Variants in KCNT2 observed in about 807,000 individuals in gnomAD.
The protein encoded by KCNT2 is potassium channel subfamily T member 2.
A neutral mutation model predicts 153.8 loss-of-function variants in KCNT2; 67 were observed. The observed-to-expected ratio is 0.44, with a 90% confidence interval of 0.36 to 0.53. The LOEUF is 0.53. Ranked by LOEUF, KCNT2 falls within the 20% of genes least tolerant of loss-of-function variation. The probability of loss-of-function intolerance (pLI) is 0.00; values close to 1 mark genes in which losing one functional copy is unlikely to be tolerated. For missense variants in KCNT2, 975 were observed against 1,354.8 expected (o/e 0.72, Z 4.40); for synonymous variants, 500 against 458.8 (o/e 1.09, Z -1.15).
chr1:196,582,722 C>A (rs1662212574), intron 1 of KCNT2, among the ~76,000 whole-genome samples: 1 of 152,034 alleles, frequency 6.6e-6, no homozygotes, highest in Non-Finnish European at 1.5e-5. Context: ...TCTCTCACCA[C>A]CAATTCATTT....
At chr1:196,480,522 C>T (rs772309369) in intron 4 of KCNT2, among the ~76,000 whole-genome samples, 9 of 151,980 alleles carry the variant, frequency 5.9e-5, no homozygotes, top group African/African-American at 9.7e-5. Context: ...ATTAGATGAT[C>T]TCTAGAGCAT....
At chr1:196,502,939 C>T (rs1308840675) in intron 1 of KCNT2, among the ~76,000 whole-genome samples, 1 of 151,898 alleles carries the variant, frequency 6.6e-6, no homozygotes, top group East Asian at 1.9e-4. Context: ...AAGAGATTCC[C>T]CCTCTTCATG....
rs77413693 is a variant in KCNT2 at position 196,325,199 on chromosome 1, G to C, written c.2276+1518C>G. Among the ~76,000 whole-genome samples the C allele has an allele frequency of 1.6e-3, 245 of 152,198 alleles. 1 individual carries two copies. The highest frequency in any genetic ancestry group is 5.2e-3 in the African/African-American group (218 of 41,544). On this transcript the variant is annotated intron_variant, in intron 19 of 27. Transcript: ENST00000294725. ...CTTTATCTTGAAATTATGTGAAGAG[G>C]AGGAAAGTACAGTTTTGTCCTTAGT...
intron 1 of KCNT2, among the ~76,000 whole-genome samples, chr1:196,546,448 A>G (rs1231738830): frequency 6.6e-6 from 1 of 152,014 alleles, no homozygotes; most frequent in Non-Finnish European, 1.5e-5. Context: ...CAGCAATTTG[A>G]CATTTATATT....
intron 12 of KCNT2, 128 bp downstream of exon 12, chr1:196,422,922 T>A (rs1220313992): frequency 3.8e-6 from 2 of 531,030 alleles, no homozygotes; most frequent in African/African-American, 3.9e-5. Flanking sequence ...CTCAGTAATA[T>A]TTGTTTCCTT....
intron 1 of KCNT2, among the ~76,000 whole-genome samples, chr1:196,513,837 G>A (rs1425378388): frequency 6.6e-6 from 1 of 152,082 alleles, no homozygotes; most frequent in African/African-American, 2.4e-5. Context: ...AGAACACAGA[G>A]GTATGAAAAG....
chr1:196,370,538 G>C (rs1668433159), intron 14 of KCNT2, among the ~76,000 whole-genome samples: 1 of 151,784 alleles, frequency 6.6e-6, no homozygotes, highest in Non-Finnish European at 1.5e-5. Context: ...CACTAGGATG[G>C]TTATGATAAA....
intron 1 of KCNT2, among the ~76,000 whole-genome samples, chr1:196,509,392 C>T (rs1032542685): frequency 2.6e-5 from 4 of 151,606 alleles, no homozygotes; most frequent in Admixed American, 6.6e-5. Context: ...TGGAAAATTG[C>T]AGTCAAAGTT....
intron 5 of KCNT2, among the ~76,000 whole-genome samples, chr1:196,475,285 T>C (rs1303025266): frequency 6.6e-6 from 1 of 152,094 alleles, no homozygotes; most frequent in African/African-American, 2.4e-5. Context: ...CAATACAATA[T>C]CCATTTCTGT....
intron 7 of KCNT2, 117 bp from the exon 8 acceptor site, chr1:196,465,504 G>A: frequency 1.6e-6 from 1 of 637,424 alleles, no homozygotes; most frequent in Non-Finnish European, 2.8e-6. Flanking sequence ...ACATACATAT[G>A]TAAATACATG....
chr1:196,441,833 A>G (rs1572466338), intron 8 of KCNT2, among the ~76,000 whole-genome samples: 1 of 151,872 alleles, frequency 6.6e-6, no homozygotes, highest in African/African-American at 2.4e-5. Flanking sequence ...TGTGCTGTAC[A>G]AAGTATCTAT....
intron 1 of KCNT2, among the ~76,000 whole-genome samples, chr1:196,515,539 C>T (rs1384101901): frequency 1.3e-5 from 2 of 152,148 alleles, no homozygotes; most frequent in African/African-American, 4.8e-5. Context: ...TAAAGCCTAA[C>T]TGTAGAAGAA....
intron 12 of KCNT2, among the ~76,000 whole-genome samples, chr1:196,420,083 T>G (rs1204459184): frequency 6.6e-6 from 1 of 152,052 alleles, no homozygotes; most frequent in Non-Finnish European, 1.5e-5. Context: ...ACTATTTGGT[T>G]TTATTGTTCA....
In KCNT2 at chr1:196,315,887, C is replaced by T. The variant is rs1320756579; in HGVS notation, c.2483+5G>A. The T allele has an allele frequency of 2.5e-6, 4 of 1,599,450 alleles. No individual in the cohort carries two copies. Among genetic ancestry groups the T allele is most frequent in the Non-Finnish European group, 2.6e-6 (3 of 1,172,512 alleles). ...GTGGCAAGGTTGGATGATTCAGCCA[C>T]TTACCTGAAGAGTGTCTGCACGTTC... is the stretch of plus-strand genomic sequence containing the variant. On this transcript the variant is annotated splice_donor_5th_base_variant and intron_variant, in intron 21 of 27. Coordinates refer to ENST00000294725, the MANE Select transcript of KCNT2 (RefSeq NM_198503.5).
intron 25 of KCNT2, among the ~76,000 whole-genome samples, chr1:196,269,518 T>TA (rs1226270174): frequency 6.6e-6 from 1 of 152,084 alleles, no homozygotes; most frequent in African/African-American, 2.4e-5. Flanking sequence ...TGTGGACTAG[T>TA]AAGCAGAAGA....
intron 25 of KCNT2, among the ~76,000 whole-genome samples, chr1:196,270,163 A>G (rs1475157007): frequency 6.6e-6 from 1 of 151,990 alleles, no homozygotes; most frequent in African/African-American, 2.4e-5. Context: ...CAAAATTATT[A>G]TTGATGTAAA....
At chr1:196,562,845 T>G (rs1392690561) in intron 1 of KCNT2, among the ~76,000 whole-genome samples, 3 of 152,000 alleles carry the variant, frequency 2.0e-5, no homozygotes, top group Non-Finnish European at 2.9e-5. Context: ...AATAAAATAC[T>G]ATTTTCTTTC....
intron 1 of KCNT2, among the ~76,000 whole-genome samples, chr1:196,568,178 A>G (rs1660331433): frequency 6.6e-6 from 1 of 152,136 alleles, no homozygotes; most frequent in Admixed American, 6.5e-5. Context: ...AAATGGTGGT[A>G]GAGATGGTTT....
intron 1 of KCNT2, among the ~76,000 whole-genome samples, chr1:196,501,984 C>T (rs191329253): frequency 9.9e-5 from 15 of 152,078 alleles, no homozygotes; most frequent in Admixed American, 7.9e-4. Flanking sequence ...CGGGGCATGG[C>T]GGCGGGTGCC....
Sources: allele counts gnomAD v4.1 joint callset (sites outside exome capture counted in the v4.1 genomes callset), GRCh38; gene constraint gnomAD v4.1.1; transcripts MANE v1.5; gene names NCBI Gene and HGNC (gene_info 2026-07-23, HGNC 2026-07-21).